Variants in LRP6 observed in about 807,000 individuals in gnomAD.
LRP6 encodes low-density lipoprotein receptor-related protein 6.
Under a neutral mutation model 184.1 loss-of-function variants are expected in LRP6, and 43 were observed. The ratio of observed to expected loss-of-function variants is 0.23; its 90% CI spans 0.18 to 0.30. LRP6 has a LOEUF of 0.30. LRP6 is among the 10% of genes least tolerant of loss of function. The pLI is 1.00. For synonymous variants in LRP6, 719 were observed against 684.9 expected (o/e 1.05, Z -0.78); for missense variants, 1,571 against 2,005.3 (o/e 0.78, Z 4.14).
chr12:12,171,532 AAAATAAATAAATAAAT>A (rs150432884), intron 7 of LRP6, among the ~76,000 whole-genome samples: 2,357 of 147,426 alleles, frequency 0.016, 66 homozygotes, highest in African/African-American at 0.054. Context: ...AAAAAAAAAT[AAAATAAATAAATAAAT>A]AAATAAATAA....
Position 12,266,887 on chromosome 12 carries a change from C to T in LRP6, c.-152G>A, listed in dbSNP as rs1374536403. 6 of 710,314 alleles carry T rather than the reference C, an allele frequency of 8.4e-6. No individual in the cohort carries two copies. The East Asian group carries it at 1.6e-4, about 19-fold the overall frequency. 44.0% of individuals were successfully genotyped at this position (710,314 alleles called of 1,614,324 possible). On this transcript the variant is annotated 5_prime_UTR_variant, in exon 1 of 23. Transcript: ENST00000261349. ...AGAAAGAAAGGGGCACGTCAAGGTTCCGCGCGCGCCGCCGCCGCCCTCTCT... is the reference window on the plus strand; with the variant it reads ...AGAAAGAAAGGGGCACGTCAAGGTTTCGCGCGCGCCGCCGCCGCCCTCTCT...
At chr12:12,244,679 G>C in intron 1 of LRP6, 24 bp from the exon 2 acceptor site, 1 of 1,611,836 alleles carries the variant, frequency 6.2e-7, no homozygotes, top group Non-Finnish European at 8.5e-7. Flanking sequence ...AGAAAAATAT[G>C]TAAGTGAAAA....
At chr12:12,122,566 T>G (rs941085486) in intron 22 of LRP6, among the ~76,000 whole-genome samples, 1 of 152,184 alleles carries the variant, frequency 6.6e-6, no homozygotes, top group Non-Finnish European at 1.5e-5. Flanking sequence ...AATTCCTTGT[T>G]CTACTCTGTC....
At chr12:12,188,240 A>C (rs1591928214) in intron 3 of LRP6, among the ~76,000 whole-genome samples, 2 of 152,122 alleles carry the variant, frequency 1.3e-5, no homozygotes, top group East Asian at 3.9e-4. Flanking sequence ...AAAAAGAATA[A>C]GCAAATGCTC....
intron 1 of LRP6, among the ~76,000 whole-genome samples, chr12:12,257,259 A>T (rs545022689): frequency 2.6e-5 from 4 of 152,146 alleles, no homozygotes; most frequent in Non-Finnish European, 4.4e-5. Context: ...TATGTGAATT[A>T]TAGCTCCAAA....
At chr12:12,220,858 C>T (rs1388727033) in intron 2 of LRP6, among the ~76,000 whole-genome samples, 5 of 152,158 alleles carry the variant, frequency 3.3e-5, no homozygotes. Flanking sequence ...CCTCAGTCTC[C>T]GAAAGTGCTG....
rs998601632 is a variant in LRP6 at position 12,151,131 on chromosome 12, C to A, written c.2792-93G>T. ...ATCAGCCTGTTGTATGTATTTCATA[C>A]AAAACAGACATAGATGTTGAAGAGC... On this transcript the variant is annotated intron_variant, in intron 12 of 22. Coordinates refer to ENST00000261349, the MANE Select transcript of LRP6 (RefSeq NM_002336.3). The A allele has an allele frequency of 3.6e-6, 4 of 1,124,706 alleles. No individual in the cohort carries two copies. The African/African-American group carries it at 6.2e-5, about 17-fold the overall frequency. 69.7% of individuals were successfully genotyped at this position (1,124,706 alleles called of 1,614,324 possible).
At chr12:12,178,519 C>A (rs1041632387) in intron 7 of LRP6, among the ~76,000 whole-genome samples, 14 of 152,150 alleles carry the variant, frequency 9.2e-5, no homozygotes, top group African/African-American at 3.1e-4. Flanking sequence ...CGTACCTATA[C>A]ACTCATGTAT....
At chr12:12,173,013 A>G (rs1488085959) in intron 7 of LRP6, among the ~76,000 whole-genome samples, 1 of 152,220 alleles carries the variant, frequency 6.6e-6, no homozygotes, top group Non-Finnish European at 1.5e-5. Context: ...TAGTTTTATA[A>G]TATTTTTTGC....
At chr12:12,185,667 T>C (rs1461917674) in intron 4 of LRP6, among the ~76,000 whole-genome samples, 1 of 152,098 alleles carries the variant, frequency 6.6e-6, no homozygotes, top group Non-Finnish European at 1.5e-5. Context: ...GCCCGAGTCA[T>C]TGTAAAGGCT....
At chr12:12,132,363 CA>C (rs1284652550) in intron 17 of LRP6, among the ~76,000 whole-genome samples, 2 of 152,126 alleles carry the variant, frequency 1.3e-5, no homozygotes, top group South Asian at 2.1e-4. Flanking sequence ...TAGGAATAAT[CA>C]GTATAATTAC....
chr12:12,229,723 G>C (rs1189033877), intron 2 of LRP6, among the ~76,000 whole-genome samples: 1 of 152,170 alleles, frequency 6.6e-6, no homozygotes, highest in African/African-American at 2.4e-5. Flanking sequence ...TTGGGAAACA[G>C]AAAGTGTGTG....
chr12:12,229,370 C>CAAAAA (rs375650917), intron 2 of LRP6, among the ~76,000 whole-genome samples: 8 of 61,374 alleles, frequency 1.3e-4, no homozygotes, highest in Admixed American at 1.9e-4. Context: ...AACTCCATTT[C>CAAAAA]AAAAAAAAAA....
At chr12:12,180,061 C>T in intron 6 of LRP6, 80 bp from the exon 7 acceptor site, 1 of 1,161,978 alleles carries the variant, frequency 8.6e-7, no homozygotes, top group Non-Finnish European at 1.3e-6. Flanking sequence ...AGATCCATCC[C>T]TCCTATTACA....
chr12:12,126,941 A>G lies in LRP6; in HGVS notation c.4082-20T>C, dbSNP rs1221025234. 6.3e-7 allele frequency: 1 copy of G among 1,577,660 alleles called. No individual in the cohort carries two copies. On this transcript the variant is annotated intron_variant, in intron 19 of 22. Coordinates refer to ENST00000261349, the MANE Select transcript of LRP6 (RefSeq NM_002336.3). ...TCGGATCTACAATGAAGAATGCAGT[A>G]TGGTTATTTAATAGAAAAACAACTG...
chr12:12,171,950 C>T (rs1006812356), intron 7 of LRP6, among the ~76,000 whole-genome samples: 11 of 152,194 alleles, frequency 7.2e-5, no homozygotes, highest in African/African-American at 2.7e-4. Context: ...ACAGTTTAAG[C>T]TCCTTATGTT....
At chr12:12,140,378 G>A (rs1001599155) in intron 15 of LRP6, among the ~76,000 whole-genome samples, 42 of 151,982 alleles carry the variant, frequency 2.8e-4, no homozygotes, top group African/African-American at 9.4e-4. Context: ...AAAACACAAA[G>A]AGATGGATAA....
At chr12:12,167,662 C>G (rs1038085888) in intron 7 of LRP6, among the ~76,000 whole-genome samples, 1 of 150,714 alleles carries the variant, frequency 6.6e-6, no homozygotes, top group Non-Finnish European at 1.5e-5. Context: ...AAAGGGACAG[C>G]GCCACTGCCA....
chr12:12,249,612 C>A (rs1439817410), intron 1 of LRP6, among the ~76,000 whole-genome samples: 1 of 150,890 alleles, frequency 6.6e-6, no homozygotes, highest in African/African-American at 2.5e-5. Flanking sequence ...GGAAATTTAT[C>A]TTAAGATGCT....
Sources: allele counts gnomAD v4.1 joint callset (sites outside exome capture counted in the v4.1 genomes callset), GRCh38; gene constraint gnomAD v4.1.1; transcripts MANE v1.5; gene names NCBI Gene and HGNC (gene_info 2026-07-23, HGNC 2026-07-21).